The following NRG1 variants were observed in gnomAD, a reference collection of about 807,000 sequenced individuals.
NRG1 encodes neuregulin 1, also known as pro-neuregulin-1, membrane-bound isoform.
Under a neutral mutation model 63.8 loss-of-function variants are expected in NRG1, and 18 were observed. The observed-to-expected ratio is 0.28, with a 90% confidence interval of 0.19 to 0.42. NRG1 has a LOEUF of 0.42. Ranked by LOEUF, NRG1 falls within the 10% of genes least tolerant of loss-of-function variation. The pLI is 1.00. For missense variants in NRG1, 762 were observed against 814.7 expected (o/e 0.94, Z 0.79); for synonymous variants, 302 against 301.3 (o/e 1.00, Z -0.02).
chr8:31,708,443 A>ATTT (rs1232647785), intron 1 of NRG1, among the ~76,000 whole-genome samples: 1 of 132,074 alleles, frequency 7.6e-6, no homozygotes. Flanking sequence ...AATAAACATA[A>ATTT]TTGTTTTTTT....
chr8:32,524,576 T>C (rs1256151773), intron 1 of NRG1, among the ~76,000 whole-genome samples: 1 of 152,122 alleles, frequency 6.6e-6, no homozygotes, highest in African/African-American at 2.4e-5. Context: ...AACATTCCAG[T>C]TGCCAGATGA....
chr8:32,063,144 C>T (rs1324035991), intron 1 of NRG1: 5 of 152,028 alleles, frequency 3.3e-5, no homozygotes, highest in Non-Finnish European at 7.4e-5. Flanking sequence ...ATGGACAGCT[C>T]TAAGTTGATT....
intron 1 of NRG1, among the ~76,000 whole-genome samples, chr8:31,967,624 C>T (rs997844677): frequency 6.6e-6 from 1 of 152,220 alleles, no homozygotes; most frequent in African/African-American, 2.4e-5. Context: ...CCATGAAAAC[C>T]AGAAGGCAGG....
intron 1 of NRG1, among the ~76,000 whole-genome samples, chr8:32,484,105 A>T (rs1045026815): frequency 4.1e-5 from 6 of 145,876 alleles, no homozygotes; most frequent in Non-Finnish European, 6.0e-5. Flanking sequence ...TCCGTATCAA[A>T]AAAAAAAAAA....
At chr8:32,665,899 A>G (rs959952564) in intron 5 of NRG1, among the ~76,000 whole-genome samples, 1 of 152,234 alleles carries the variant, frequency 6.6e-6, no homozygotes, top group Non-Finnish European at 1.5e-5. Flanking sequence ...AATGTATGAA[A>G]AGAAAAAAAT....
chr8:32,028,010 A>G (rs1817725492), intron 1 of NRG1, among the ~76,000 whole-genome samples: 1 of 152,146 alleles, frequency 6.6e-6, no homozygotes, highest in Admixed American at 6.5e-5. Flanking sequence ...CCTCTATTTC[A>G]TTGCCATGAC....
chr8:32,278,092 G>A (rs1852300471), intron 1 of NRG1, among the ~76,000 whole-genome samples: 1 of 152,142 alleles, frequency 6.6e-6, no homozygotes, highest in African/African-American at 2.4e-5. Context: ...TAAAATTCTT[G>A]CACATTTAAT....
chr8:32,281,547 G>T (rs923409035), intron 1 of NRG1, among the ~76,000 whole-genome samples: 2 of 152,004 alleles, frequency 1.3e-5, no homozygotes, highest in African/African-American at 4.8e-5. Context: ...AGTGTCTATT[G>T]TTCCCTTCTT....
chr8:31,817,219 T>C (rs1436705174), intron 1 of NRG1, among the ~76,000 whole-genome samples: 2 of 152,236 alleles, frequency 1.3e-5, no homozygotes, highest in African/African-American at 4.8e-5. Context: ...CCTAAGAATG[T>C]TCTCGCTAAT....
At chr8:32,103,525 T>C (rs1236662248) in intron 1 of NRG1, among the ~76,000 whole-genome samples, 1 of 152,232 alleles carries the variant, frequency 6.6e-6, no homozygotes, top group Non-Finnish European at 1.5e-5. Context: ...GACATGCTGA[T>C]TTCCTTTCTT....
chr8:32,185,394 A>G (rs1174032122), intron 1 of NRG1, among the ~76,000 whole-genome samples: 1 of 152,198 alleles, frequency 6.6e-6, no homozygotes, highest in Middle Eastern at 3.2e-3. Context: ...GCCATCTTGA[A>G]TATGACTTAA....
At chr8:32,647,446 C>T in intron 5 of NRG1, 1 of 985,312 alleles carries the variant, frequency 1.0e-6, no homozygotes, top group Non-Finnish European at 1.2e-6. Flanking sequence ...TTGACGAGCC[C>T]GGGATGGTTT....
intron 1 of NRG1, among the ~76,000 whole-genome samples, chr8:31,951,751 A>G (rs1478173947): frequency 2.6e-5 from 4 of 152,210 alleles, no homozygotes. Context: ...TTTCCTTGCC[A>G]TCGAAGTTCC....
chr8:32,589,461 T>G (rs1272066688), intron 1 of NRG1, among the ~76,000 whole-genome samples: 3 of 152,240 alleles, frequency 2.0e-5, no homozygotes, highest in Non-Finnish European at 4.4e-5. Flanking sequence ...GATGGTGGGC[T>G]TTTTACACAT....
intron 1 of NRG1, among the ~76,000 whole-genome samples, chr8:32,318,320 T>C (rs1439097283): frequency 1.3e-5 from 2 of 152,214 alleles, no homozygotes; most frequent in African/African-American, 2.4e-5. Flanking sequence ...ATATATTGTA[T>C]ATTTGATGAC....
At chr8:31,939,153 G>C (rs1801383385) in intron 1 of NRG1, among the ~76,000 whole-genome samples, 1 of 152,154 alleles carries the variant, frequency 6.6e-6, no homozygotes, top group African/African-American at 2.4e-5. Flanking sequence ...AATCTTAAGA[G>C]CTCTGAGGCA....
intron 1 of NRG1, among the ~76,000 whole-genome samples, chr8:32,216,469 CATG>C (rs1404680359): frequency 6.7e-6 from 1 of 148,386 alleles, no homozygotes; most frequent in Middle Eastern, 3.7e-3. Flanking sequence ...ATTGTATTAT[CATG>C]ATATTATATA....
chr8:32,703,910 C>T (rs944363531), intron 5 of NRG1, among the ~76,000 whole-genome samples: 14 of 152,164 alleles, frequency 9.2e-5, no homozygotes, highest in African/African-American at 2.7e-4. Flanking sequence ...TCTTTGCCAT[C>T]GCTGCCCTTT....
In NRG1 at chr8:32,525,959, G is replaced by A. The variant is rs141142554; in HGVS notation, c.38-69869G>A. 2.7e-3 allele frequency among the ~76,000 whole-genome samples: 411 copies of A among 151,998 alleles called. 4 individuals are homozygous for A. Among genetic ancestry groups the A allele is most frequent in the African/African-American group, 9.4e-3 (389 of 41,430 alleles). On this transcript the variant is annotated intron_variant, in intron 1 of 10. Transcript: ENST00000519301. ...TCTAGCTTTTCTTTTCTTGTGTGTCGATACCCATTTTATTTCTTTACTTAC... is the reference window on the plus strand; with the variant it reads ...TCTAGCTTTTCTTTTCTTGTGTGTCAATACCCATTTTATTTCTTTACTTAC...
Sources: gnomAD v4.1 joint callset for allele counts (sites outside exome capture counted in the v4.1 genomes callset) on GRCh38, gnomAD v4.1.1 for gene constraint, MANE v1.5 for transcripts, NCBI Gene and HGNC (gene_info 2026-07-23, HGNC 2026-07-21) for gene names.